Variants in GATAD2B observed in about 807,000 individuals in gnomAD.
GATAD2B encodes the protein GATA zinc finger domain containing 2B, also known as transcriptional repressor p66-beta.
GATAD2B carries 8 observed loss-of-function variants against 64.3 expected under a neutral mutation model. That is an observed-to-expected ratio of 0.12 (90% CI 0.07 to 0.22). The LOEUF is 0.22. GATAD2B is among the 10% of genes least tolerant of loss of function. The probability of loss-of-function intolerance (pLI) is 1.00; values close to 1 mark genes in which losing one functional copy is unlikely to be tolerated. For synonymous variants in GATAD2B, 281 were observed against 271.3 expected (o/e 1.04, Z -0.35); for missense variants, 453 against 752.0 (o/e 0.60, Z 4.65).
chr1:153,846,301 T>C (rs553706454), intron 1 of GATAD2B, among the ~76,000 whole-genome samples: 11 of 151,916 alleles, frequency 7.2e-5, no homozygotes, highest in African/African-American at 2.7e-4. Flanking sequence ...GGTGTGAACC[T>C]GACTCACTGC....
chr1:153,870,020 C>G (rs909220314), intron 1 of GATAD2B, among the ~76,000 whole-genome samples: 1 of 152,126 alleles, frequency 6.6e-6, no homozygotes. Context: ...TCTCGGCTCA[C>G]TGCAACCTCT....
At chr1:153,885,687 C>T (rs767704838) in intron 1 of GATAD2B, among the ~76,000 whole-genome samples, 65 of 151,814 alleles carry the variant, frequency 4.3e-4, no homozygotes, top group Non-Finnish European at 8.1e-4. Flanking sequence ...ATGGTGAAAC[C>T]CCATCTCTAC....
At chr1:153,852,995 C>T (rs1406475735) in intron 1 of GATAD2B, 2 of 1,071,554 alleles carry the variant, frequency 1.9e-6, no homozygotes, top group Admixed American at 1.7e-5. Flanking sequence ...CCAGTCACTA[C>T]CCCTTTGGTC....
chr1:153,887,925 A>G (rs966235256), intron 1 of GATAD2B, among the ~76,000 whole-genome samples: 1 of 151,996 alleles, frequency 6.6e-6, no homozygotes, highest in Non-Finnish European at 1.5e-5. Context: ...TGTCTCTACT[A>G]AAAATACAAA....
intron 1 of GATAD2B, among the ~76,000 whole-genome samples, chr1:153,912,053 T>C (rs1678125125): frequency 2.0e-5 from 3 of 152,216 alleles, no homozygotes; most frequent in African/African-American, 4.8e-5. Flanking sequence ...AAATTAAAAA[T>C]GCCCAGATTC....
chr1:153,854,183 G>A (rs1450631611), intron 1 of GATAD2B, among the ~76,000 whole-genome samples: 1 of 152,052 alleles, frequency 6.6e-6, no homozygotes, highest in African/African-American at 2.4e-5. Context: ...CGGGCGGATC[G>A]TGAGGTCAGG....
intron 1 of GATAD2B, among the ~76,000 whole-genome samples, chr1:153,898,457 G>A (rs1046360896): frequency 3.3e-5 from 5 of 152,160 alleles, no homozygotes; most frequent in Non-Finnish European, 5.9e-5. Context: ...TGGGCACAGT[G>A]GCTCACGCCT....
At chr1:153,813,539 T>C in intron 7 of GATAD2B, 87 bp from the exon 8 acceptor site, 1 of 862,850 alleles carries the variant, frequency 1.2e-6, no homozygotes, top group Non-Finnish European at 1.9e-6. Context: ...CAGGAGTTTA[T>C]TCTGTTGAAT....
chr1:153,841,732 G>T (rs912429016), intron 1 of GATAD2B, among the ~76,000 whole-genome samples: 3 of 152,050 alleles, frequency 2.0e-5, no homozygotes, highest in Non-Finnish European at 2.9e-5. Context: ...TTGGCTATTA[G>T]GAATACAGCT....
chr1:153,876,227 C>CAAAGAAAAAA (rs1676826714), intron 1 of GATAD2B, among the ~76,000 whole-genome samples: 1 of 48,406 alleles, frequency 2.1e-5, no homozygotes. Context: ...GACTTCGTCT[C>CAAAGAAAAAA]AAAAAAAAAA....
chr1:153,864,564 C>T (rs772481669), intron 1 of GATAD2B, among the ~76,000 whole-genome samples: 3 of 151,954 alleles, frequency 2.0e-5, no homozygotes, highest in Non-Finnish European at 2.9e-5. Context: ...CTTCAGTGAG[C>T]TATGATTGTG....
intron 1 of GATAD2B, among the ~76,000 whole-genome samples, chr1:153,870,313 G>A (rs1025091847): frequency 2.6e-5 from 4 of 152,134 alleles, no homozygotes; most frequent in Non-Finnish European, 5.9e-5. Context: ...GCTCACGCCT[G>A]TAATTCCAGC....
intron 1 of GATAD2B, chr1:153,852,430 C>T (rs1390198995): frequency 3.9e-6 from 3 of 767,356 alleles, no homozygotes; most frequent in Non-Finnish European, 7.2e-6. Flanking sequence ...GACAGAAGGC[C>T]GTGGCATGTG....
At chr1:153,824,192 C>A (rs1674786691) in intron 2 of GATAD2B, among the ~76,000 whole-genome samples, 2 of 152,174 alleles carry the variant, frequency 1.3e-5, no homozygotes, top group Non-Finnish European at 2.9e-5. Flanking sequence ...GTGGGGAGGA[C>A]TGCTTGAGCC....
chr1:153,903,756 G>A (rs537871568), intron 1 of GATAD2B, among the ~76,000 whole-genome samples: 2 of 152,298 alleles, frequency 1.3e-5, no homozygotes, highest in South Asian at 2.1e-4. Flanking sequence ...GGCTGAGGCG[G>A]GCAGACAGCT....
chr1:153,842,677 G>A (rs2101902861), intron 1 of GATAD2B, among the ~76,000 whole-genome samples: 1 of 149,862 alleles, frequency 6.7e-6, no homozygotes, highest in South Asian at 2.1e-4. Flanking sequence ...TGTATGAGAT[G>A]GAGTTTCACT....
chr1:153,877,549 C>T (rs893818092), intron 1 of GATAD2B, among the ~76,000 whole-genome samples: 1 of 151,934 alleles, frequency 6.6e-6, no homozygotes, highest in Non-Finnish European at 1.5e-5. Context: ...ATTATCCTCA[C>T]TAATCTGGCT....
intron 1 of GATAD2B, among the ~76,000 whole-genome samples, chr1:153,859,541 G>T (rs930585394): frequency 6.6e-6 from 1 of 151,644 alleles, no homozygotes; most frequent in African/African-American, 2.4e-5. Flanking sequence ...GTAGTGGCAC[G>T]AGCCTGTAAT....
At chr1:153,845,472 G>A (rs1231430825) in intron 1 of GATAD2B, among the ~76,000 whole-genome samples, 1 of 152,196 alleles carries the variant, frequency 6.6e-6, no homozygotes. Flanking sequence ...GCTGGGCGTG[G>A]TGGTGGCTCA....
Sources: allele counts gnomAD v4.1 joint callset (sites outside exome capture counted in the v4.1 genomes callset), GRCh38; gene constraint gnomAD v4.1.1; transcripts MANE v1.5; gene names NCBI Gene and HGNC (gene_info 2026-07-23, HGNC 2026-07-21).